TBC1D22A: variants seen among roughly 807,000 people sequenced by gnomAD.
TBC1D22A encodes putative GTPase activator.
In TBC1D22A, 38 loss-of-function variants were observed where a neutral mutation model predicts 60.2. The ratio of observed to expected loss-of-function variants is 0.63; its 90% CI spans 0.49 to 0.83. The LOEUF (loss-of-function observed/expected upper bound fraction) is 0.83, where lower values mean the gene tolerates loss of function less well. Among genes scored for constraint, TBC1D22A ranks in the 40% least tolerant of loss-of-function variants. The pLI is 0.00. For missense variants in TBC1D22A, 628 were observed against 701.0 expected (o/e 0.90, Z 1.18); for synonymous variants, 302 against 281.7 (o/e 1.07, Z -0.72).
chr22:47,113,706 G>A (rs1043031945), intron 12 of TBC1D22A, among the ~76,000 whole-genome samples: 6 of 152,208 alleles, frequency 3.9e-5, no homozygotes, highest in Non-Finnish European at 7.3e-5. Context: ...AAGGTGGCTC[G>A]AGGCAGACCA....
Position 46,853,919 on chromosome 22 carries a change from C to T in TBC1D22A, c.638-24734C>T, listed in dbSNP as rs141806339. Among the ~76,000 whole-genome samples the T allele has an allele frequency of 8.7e-4, 132 of 152,268 alleles. 1 individual carries two copies. The highest frequency in any genetic ancestry group is 3.0e-3 in the African/African-American group (125 of 41,548). On this transcript the variant is annotated intron_variant, in intron 4 of 12. Transcript: ENST00000337137. ...TCAGGGATCACTTTCTCAGCCATGC[C>T]GCATGACCTCAGAGGCATTTTGCAC...
At chr22:46,979,454 G>A (rs1479694440) in intron 9 of TBC1D22A, among the ~76,000 whole-genome samples, 1 of 152,208 alleles carries the variant, frequency 6.6e-6, no homozygotes, top group African/African-American at 2.4e-5. Context: ...GATGTTTCTT[G>A]AAGAAAGTGT....
intron 4 of TBC1D22A, among the ~76,000 whole-genome samples, chr22:46,810,329 A>C (rs563870229): frequency 1.3e-5 from 2 of 152,298 alleles, no homozygotes; most frequent in African/African-American, 4.8e-5. Flanking sequence ...GAAGTGTTCC[A>C]CACATATTCG....
intron 8 of TBC1D22A, chr22:46,913,264 A>C (rs1468289915): frequency 3.4e-6 from 4 of 1,188,820 alleles, no homozygotes; most frequent in African/African-American, 1.6e-5. Context: ...TTTAATTTAA[A>C]CCTGGTTTTG....
At chr22:47,111,425 C>A in intron 11 of TBC1D22A, 83 bp from the exon 12 acceptor site, 1 of 1,295,952 alleles carries the variant, frequency 7.7e-7, no homozygotes, top group Admixed American at 1.9e-5. Context: ...ACTAGATAAA[C>A]CCTGACTGTC....
chr22:47,159,614 A>G (rs2067888027), intron 12 of TBC1D22A, among the ~76,000 whole-genome samples: 1 of 151,808 alleles, frequency 6.6e-6, no homozygotes, highest in Admixed American at 6.6e-5. Context: ...GTGTACATAC[A>G]CTATACACAC....
chr22:47,096,592 G>T (rs1010984927), intron 11 of TBC1D22A, among the ~76,000 whole-genome samples: 1 of 152,058 alleles, frequency 6.6e-6, no homozygotes, highest in African/African-American at 2.4e-5. Flanking sequence ...GGGGCCGAGG[G>T]AGGCAGATCA....
chr22:46,867,341 G>T (rs1426886076), intron 4 of TBC1D22A, among the ~76,000 whole-genome samples: 2 of 152,138 alleles, frequency 1.3e-5, no homozygotes, highest in Non-Finnish European at 2.9e-5. Flanking sequence ...CACAACCTCT[G>T]GGCTGTGACT....
intron 9 of TBC1D22A, among the ~76,000 whole-genome samples, chr22:46,976,300 G>A (rs999982921): frequency 3.3e-5 from 5 of 152,182 alleles, no homozygotes; most frequent in Non-Finnish European, 7.3e-5. Context: ...TTCCTGGCGC[G>A]TGTGTTTATA....
chr22:47,039,044 T>C (rs1442551407), intron 11 of TBC1D22A, among the ~76,000 whole-genome samples: 1 of 152,240 alleles, frequency 6.6e-6, no homozygotes, highest in Non-Finnish European at 1.5e-5. Context: ...TTCCTTGTAA[T>C]ACTGTCCCCA....
At chr22:47,018,167 G>A (rs894029995) in intron 10 of TBC1D22A, among the ~76,000 whole-genome samples, 10 of 152,254 alleles carry the variant, frequency 6.6e-5, no homozygotes, top group African/African-American at 9.6e-5. Context: ...CTTCCCCTGC[G>A]TCAGTGTGGC....
At chr22:46,824,782 G>T (rs140479319) in intron 4 of TBC1D22A, among the ~76,000 whole-genome samples, 2 of 152,168 alleles carry the variant, frequency 1.3e-5, no homozygotes, top group East Asian at 3.9e-4. Context: ...TGAAGGATGA[G>T]GGAAGGAGGG....
chr22:47,034,476 T>TGAG (rs10648498), intron 10 of TBC1D22A, among the ~76,000 whole-genome samples: 141,946 of 152,202 alleles, frequency 0.93, 66,301 homozygotes, highest in East Asian at 1. Flanking sequence ...CCCGTGGTGA[T>TGAG]GATGAAGAGG....
chr22:47,037,869 C>T (rs1435782619), intron 11 of TBC1D22A, among the ~76,000 whole-genome samples: 9 of 152,146 alleles, frequency 5.9e-5, no homozygotes, highest in South Asian at 2.1e-4. Context: ...AAAAAACTCA[C>T]GCTCAGGACT....
rs866013368 is a variant in TBC1D22A, at chr22:47,001,303, T to C, written c.1201+3594T>C. On this transcript the variant is annotated intron_variant, in intron 10 of 12. Transcript: ENST00000337137. The stretch of plus-strand genomic sequence containing the variant: ...ATTGTATTTTTTTCTTTCTTTCTTT[T>C]TTTTTTTTTTTTTTTAATAACTCCA... Among the ~76,000 whole-genome samples, 76 of 77,776 alleles carry C rather than the reference T, an allele frequency of 9.8e-4. 1 individual carries two copies. Among genetic ancestry groups the C allele is most frequent in the South Asian group, 2.6e-3 (7 of 2,696 alleles). The allele number at this position is 77,776 out of a possible 152,430, so 51.0% of individuals were successfully genotyped here.
chr22:46,799,485 G>A (rs577703465), intron 4 of TBC1D22A, among the ~76,000 whole-genome samples: 18 of 152,250 alleles, frequency 1.2e-4, no homozygotes, highest in East Asian at 1.2e-3. Context: ...GAAATTTAAC[G>A]TTGACACAGT....
intron 12 of TBC1D22A, among the ~76,000 whole-genome samples, chr22:47,147,021 T>C (rs1297584605): frequency 6.6e-6 from 1 of 150,794 alleles, no homozygotes; most frequent in South Asian, 2.1e-4. Flanking sequence ...TTGGGGAGAG[T>C]GGGAAGACAC....
rs150268903 is a variant in TBC1D22A at position 47,171,728 on chromosome 22, C to T, written c.1426-1770C>T. On this transcript the variant is annotated intron_variant, in intron 12 of 12. Coordinates refer to ENST00000337137, the MANE Select transcript of TBC1D22A (RefSeq NM_014346.5). ...ATGTGGGCGTGGTCATGTGGGAGGG[C>T]GGGGCTGTCAGGCGGTGGTCGTGGG... Among the ~76,000 whole-genome samples, 228 of 152,270 alleles carry T rather than the reference C, an allele frequency of 1.5e-3. 1 individual carries two copies. Among genetic ancestry groups the T allele is most frequent in the African/African-American group, 5.1e-3 (210 of 41,546 alleles).
At chr22:47,051,439 G>A (rs1468611008) in intron 11 of TBC1D22A, among the ~76,000 whole-genome samples, 1 of 152,186 alleles carries the variant, frequency 6.6e-6, no homozygotes, top group East Asian at 1.9e-4. Flanking sequence ...ACGGTCCTCA[G>A]CCGTGCTCTC....
Sources: gnomAD v4.1 joint callset for allele counts (sites outside exome capture counted in the v4.1 genomes callset) on GRCh38, gnomAD v4.1.1 for gene constraint, MANE v1.5 for transcripts, NCBI Gene and HGNC (gene_info 2026-07-23, HGNC 2026-07-21) for gene names.